MSRA: variants seen among roughly 807,000 people sequenced by gnomAD.
The protein encoded by MSRA is methionine sulfoxide reductase A.
MSRA carries 54 observed loss-of-function variants against 31.3 expected under a neutral mutation model. The ratio of observed to expected loss-of-function variants is 1.73; its 90% CI spans 1.39 to 2.17. MSRA has a LOEUF of 2.17. Among genes scored for constraint, MSRA ranks in the 30% most tolerant of loss-of-function variants. The pLI is 0.00. For synonymous variants in MSRA, 169 were observed against 116.5 expected, an observed-to-expected ratio of 1.45 and a Z score of -2.90; for missense variants, 507 against 300.9, an observed-to-expected ratio of 1.69 and a Z score of -5.07.
chr8:10,099,866 C>A (rs1204206917), intron 1 of MSRA, among the ~76,000 whole-genome samples: 6 of 152,182 alleles, frequency 3.9e-5, no homozygotes, highest in Non-Finnish European at 8.8e-5. Flanking sequence ...TCCCTCTGTC[C>A]TCATTTTCCC....
chr8:10,313,000 G>A (rs1292377368), intron 4 of MSRA, among the ~76,000 whole-genome samples: 1 of 152,310 alleles, frequency 6.6e-6, no homozygotes, highest in South Asian at 2.1e-4. Flanking sequence ...TGGAGTGGGG[G>A]TCCTAGCTCA....
intron 1 of MSRA, among the ~76,000 whole-genome samples, chr8:10,204,043 T>C (rs1015577452): frequency 2.0e-5 from 3 of 150,818 alleles, no homozygotes; most frequent in Non-Finnish European, 3.0e-5. Flanking sequence ...TAGGAAGAAG[T>C]TTTCAACAGA....
At chr8:10,289,339 G>C (rs754953761) in intron 3 of MSRA, among the ~76,000 whole-genome samples, 6 of 151,882 alleles carry the variant, frequency 4.0e-5, no homozygotes, top group Non-Finnish European at 5.9e-5. Flanking sequence ...TGTGTACATA[G>C]TAGGTACATT....
At chr8:10,200,830 T>C (rs1808431036) in intron 1 of MSRA, among the ~76,000 whole-genome samples, 1 of 152,066 alleles carries the variant, frequency 6.6e-6, no homozygotes, top group South Asian at 2.1e-4. Context: ...GAGGCGTGAC[T>C]CCATCCTCTC....
rs141871796 is a variant in MSRA, at chr8:10,421,697, C to T, written c.544-6451C>T. ...CTGCTGTGCCCGGCTGGCACGCCTTCCATAAGGAGTGACCCGGCTGCTTTT... is the reference window on the plus strand; with the variant it reads ...CTGCTGTGCCCGGCTGGCACGCCTTTCATAAGGAGTGACCCGGCTGCTTTT... On this transcript the variant is annotated intron_variant, in intron 5 of 5. Coordinates refer to ENST00000317173, the MANE Select transcript of MSRA (RefSeq NM_012331.5). 3.3e-3 allele frequency among the ~76,000 whole-genome samples: 495 copies of T among 152,272 alleles called. 1 individual carries two copies. The highest frequency in any genetic ancestry group is 4.5e-3 in the Non-Finnish European group (308 of 68,018).
chr8:10,280,913 A>T (rs540130302), intron 3 of MSRA, among the ~76,000 whole-genome samples: 70 of 152,346 alleles, frequency 4.6e-4, no homozygotes, highest in Middle Eastern at 6.8e-3. Flanking sequence ...AAAACCATAG[A>T]GTGTATGATT....
intron 1 of MSRA, among the ~76,000 whole-genome samples, chr8:10,062,169 C>A (rs1797231131): frequency 1.3e-5 from 2 of 152,178 alleles, no homozygotes; most frequent in Admixed American, 1.3e-4. Flanking sequence ...CTGCATGGGT[C>A]CCAGCAGCGT....
At chr8:10,106,042 C>T (rs1186019955) in intron 1 of MSRA, among the ~76,000 whole-genome samples, 1 of 152,206 alleles carries the variant, frequency 6.6e-6, no homozygotes, top group African/African-American at 2.4e-5. Context: ...TTTCCACAAT[C>T]CTATAGGAAC....
intron 5 of MSRA, among the ~76,000 whole-genome samples, chr8:10,327,143 C>T (rs1207921333): frequency 6.6e-6 from 1 of 152,120 alleles, no homozygotes; most frequent in Non-Finnish European, 1.5e-5. Context: ...ATATTAAGTT[C>T]TAATAAGGAT....
At chr8:10,113,289 C>CTTTTTTTTTTTGTT (rs1467440154) in intron 1 of MSRA, among the ~76,000 whole-genome samples, 1 of 50,898 alleles carries the variant, frequency 2.0e-5, no homozygotes, top group Non-Finnish European at 3.2e-5. Flanking sequence ...GAAGACAGGT[C>CTTTTTTTTTTTGTT]TTCTTTTTTT....
intron 1 of MSRA, among the ~76,000 whole-genome samples, chr8:10,105,878 C>T (rs904889749): frequency 6.6e-6 from 1 of 152,154 alleles, no homozygotes; most frequent in Non-Finnish European, 1.5e-5. Context: ...CTTTGCAAAA[C>T]AAAAGAACAC....
chr8:10,191,327 G>C (rs147187105), intron 1 of MSRA, among the ~76,000 whole-genome samples: 1 of 152,064 alleles, frequency 6.6e-6, no homozygotes, highest in Admixed American at 6.5e-5. Context: ...CCGAAATACA[G>C]AATATTCTCC....
intron 1 of MSRA, among the ~76,000 whole-genome samples, chr8:10,166,331 T>C (rs1805122518): frequency 6.6e-6 from 1 of 152,234 alleles, no homozygotes; most frequent in African/African-American, 2.4e-5. Context: ...GGTGTGTATG[T>C]GCATGTGTGT....
At chr8:10,251,579 C>T (rs961358724) in intron 3 of MSRA, among the ~76,000 whole-genome samples, 8 of 152,208 alleles carry the variant, frequency 5.3e-5, no homozygotes, top group East Asian at 1.9e-4. Context: ...AGGATAAAAA[C>T]GCTTATCTCT....
chr8:10,173,463 A>G (rs1307584522), intron 1 of MSRA, among the ~76,000 whole-genome samples: 2 of 152,210 alleles, frequency 1.3e-5, no homozygotes, highest in Non-Finnish European at 2.9e-5. Context: ...CTCACCTTGC[A>G]TCTATACTGG....
intron 1 of MSRA, chr8:10,095,402 C>T (rs1799085913): frequency 1.1e-6 from 1 of 877,864 alleles, no homozygotes; most frequent in African/African-American, 1.8e-5. Context: ...CTGTTGGTGC[C>T]AGGATTTGGG....
At chr8:10,207,775 T>C in intron 1 of MSRA, 58 bp from the exon 2 acceptor site, 1 of 1,467,588 alleles carries the variant, frequency 6.8e-7, no homozygotes, top group Non-Finnish European at 9.3e-7. Context: ...TAATGACATG[T>C]GTTAGTATGT....
chr8:10,213,017 A>G (rs1349059636), intron 2 of MSRA, among the ~76,000 whole-genome samples: 2 of 152,136 alleles, frequency 1.3e-5, no homozygotes, highest in East Asian at 3.9e-4. Flanking sequence ...CCCCTCAAAC[A>G]TTTATCCTTT....
chr8:10,365,142 CAAAAAAAAAAAAA>C (rs1171189760), intron 5 of MSRA, among the ~76,000 whole-genome samples: 2 of 61,282 alleles, frequency 3.3e-5, no homozygotes, highest in Non-Finnish European at 6.9e-5. Flanking sequence ...GTGAAGCAAC[CAAAAAAAAAAAAA>C]AAAAAAAAAG....
Sources: allele counts gnomAD v4.1 joint callset (sites outside exome capture counted in the v4.1 genomes callset), GRCh38; gene constraint gnomAD v4.1.1; transcripts MANE v1.5; gene names NCBI Gene and HGNC (gene_info 2026-07-23, HGNC 2026-07-21).